Variants in SESTD1 observed in about 807,000 individuals in gnomAD.
The protein encoded by SESTD1 is SEC14 and spectrin domain containing 1, also known as SEC14 domain and spectrin repeat-containing protein 1.
SESTD1 carries 43 observed loss-of-function variants against 101.7 expected under a neutral mutation model. The ratio of observed to expected loss-of-function variants is 0.42; its 90% CI spans 0.33 to 0.55. The LOEUF is 0.55. Ranked by LOEUF, SESTD1 falls within the 20% of genes least tolerant of loss-of-function variation. SESTD1 has a pLI of 0.07. For missense variants in SESTD1, 647 were observed against 815.1 expected (o/e 0.79, Z 2.51); for synonymous variants, 283 against 286.8 (o/e 0.99, Z 0.13).
At chr2:179,175,437 A>C (rs1162787078) in intron 4 of SESTD1, among the ~76,000 whole-genome samples, 2 of 152,164 alleles carry the variant, frequency 1.3e-5, no homozygotes, top group African/African-American at 4.8e-5. Flanking sequence ...TTCATTTAAA[A>C]TTCTTGATCT....
intron 17 of SESTD1, among the ~76,000 whole-genome samples, chr2:179,111,998 C>T (rs571083658): frequency 7.9e-5 from 12 of 152,286 alleles, no homozygotes; most frequent in East Asian, 7.7e-4. Context: ...GGATTACAGG[C>T]GTGAGCCACC....
rs7608368 is a variant in SESTD1 at position 179,140,799 on chromosome 2, A to G, written c.849+2793T>C. On this transcript the variant is annotated intron_variant, in intron 9 of 17. Coordinates refer to ENST00000428443, the MANE Select transcript of SESTD1 (RefSeq NM_178123.5). ...CTCAATCTTGTGCTTTCTAACAGAC[A>G]TTTTAAGTCCTTTTACTCAACCTTA... Among the ~76,000 whole-genome samples the G allele has an allele frequency of 4.3e-3, 661 of 152,272 alleles. 5 individuals are homozygous for G. The highest frequency in any genetic ancestry group is 0.015 in the African/African-American group (614 of 41,558).
At chr2:179,191,545 G>C (rs983648552) in intron 2 of SESTD1, among the ~76,000 whole-genome samples, 4 of 152,056 alleles carry the variant, frequency 2.6e-5, no homozygotes, top group Admixed American at 1.3e-4. Flanking sequence ...ATATACCCAT[G>C]CAACAGACAG....
chr2:179,124,331 G>T, intron 11 of SESTD1, 33 bp downstream of exon 11: 1 of 1,577,584 alleles, frequency 6.3e-7, no homozygotes, highest in South Asian at 1.2e-5. Context: ...CAGATAATTT[G>T]AAGAAAAGAA....
At chr2:179,205,566 A>G (rs534429545) in intron 1 of SESTD1, among the ~76,000 whole-genome samples, 1 of 135,460 alleles carries the variant, frequency 7.4e-6, no homozygotes, top group East Asian at 2.0e-4. Flanking sequence ...ATCACTAACT[A>G]TCTCCTGAGA....
chr2:179,134,810 C>A (rs1381691904), intron 9 of SESTD1, among the ~76,000 whole-genome samples: 1 of 152,144 alleles, frequency 6.6e-6, no homozygotes, highest in Non-Finnish European at 1.5e-5. Flanking sequence ...ACAAGGTATA[C>A]AAACTATTGA....
At position 179,229,748 on chromosome 2, in the gene SESTD1, C is replaced by CA. The variant is rs1403563319; in HGVS notation, c.-26+34750_-26+34751insT. ...AAAGAAATTTAAGATTTTGTAAGAA[C>CA]TTATATATATATATATATATATATA... On this transcript the variant is annotated intron_variant, in intron 1 of 17. Coordinates refer to ENST00000428443, the MANE Select transcript of SESTD1 (RefSeq NM_178123.5). 6.3e-3 allele frequency among the ~76,000 whole-genome samples: 454 copies of CA among 71,826 alleles called. 4 individuals carry two copies. Among genetic ancestry groups the CA allele is most frequent in the Admixed American group, 0.011 (88 of 8,162 alleles). The allele number at this position is 71,826 out of a possible 152,430, so 47.1% of individuals were successfully genotyped here. A position where few individuals can be genotyped will look rare whatever the true frequency, so the allele number is the denominator to read the frequency against.
At chr2:179,141,621 T>C (rs779759979) in intron 9 of SESTD1, among the ~76,000 whole-genome samples, 7 of 152,112 alleles carry the variant, frequency 4.6e-5, no homozygotes, top group Non-Finnish European at 7.4e-5. Flanking sequence ...AACAGTCCTA[T>C]TAAGTAGGTA....
chr2:179,230,113 CTTTTTTTTTTTTT>C (rs71023474), intron 1 of SESTD1, among the ~76,000 whole-genome samples: 166 of 56,398 alleles, frequency 2.9e-3, no homozygotes, highest in African/African-American at 5.2e-3. Flanking sequence ...GATTGTATCT[CTTTTTTTTTTTTT>C]TTTTTTTTTT....
chr2:179,223,833 A>C (rs547597404), intron 1 of SESTD1, among the ~76,000 whole-genome samples: 45 of 152,336 alleles, frequency 3.0e-4, no homozygotes, highest in African/African-American at 9.4e-4. Context: ...TCTATATTGG[A>C]ACTACAAAAG....
chr2:179,176,659 A>G lies in SESTD1; in HGVS notation c.165-121T>C, dbSNP rs924349621. ...GAGTAGAATTAATCTCACTTGGTTT[A>G]GTTTACATTGTCAATAAATAAAATT... On this transcript the variant is annotated intron_variant, in intron 3 of 17. Coordinates refer to ENST00000428443, the MANE Select transcript of SESTD1 (RefSeq NM_178123.5). The G allele has an allele frequency of 5.1e-6, 3 of 587,460 alleles. No homozygotes were observed. The East Asian group carries it at 9.4e-5, about 18-fold the overall frequency. 36.4% of individuals were successfully genotyped at this position (587,460 alleles called of 1,614,324 possible). A position where few individuals can be genotyped will look rare whatever the true frequency, so the allele number is the denominator to read the frequency against.
chr2:179,237,358 T>A (rs1325187428), intron 1 of SESTD1, among the ~76,000 whole-genome samples: 1 of 152,202 alleles, frequency 6.6e-6, no homozygotes, highest in Non-Finnish European at 1.5e-5. Flanking sequence ...GATGTTCACT[T>A]TGTGTTAGTC....
At chr2:179,134,145 C>A (rs1316537810) in intron 9 of SESTD1, among the ~76,000 whole-genome samples, 1 of 151,204 alleles carries the variant, frequency 6.6e-6, no homozygotes, top group Non-Finnish European at 1.5e-5. Flanking sequence ...TTGAACCAAT[C>A]CACCACAAAT....
chr2:179,222,763 G>A (rs1368901090), intron 1 of SESTD1, among the ~76,000 whole-genome samples: 3 of 152,036 alleles, frequency 2.0e-5, no homozygotes, highest in Non-Finnish European at 4.4e-5. Context: ...TTGTAGATAA[G>A]GAAACTAAAA....
chr2:179,261,862 C>T (rs1160227253), intron 1 of SESTD1, among the ~76,000 whole-genome samples: 2 of 152,148 alleles, frequency 1.3e-5, no homozygotes, highest in African/African-American at 4.8e-5. Flanking sequence ...AGCAATTACA[C>T]ATCTAGGTAT....
intron 10 of SESTD1, among the ~76,000 whole-genome samples, chr2:179,125,680 G>A (rs906194470): frequency 1.3e-5 from 2 of 152,152 alleles, no homozygotes; most frequent in Admixed American, 1.3e-4. Context: ...AATCTCAAAT[G>A]AGTCTTTGGC....
In SESTD1 at chr2:179,187,450, C is replaced by A. The variant is rs543896069; in HGVS notation, c.56-4262G>T. Reference sequence around the variant, plus strand: ...AACTAGCCTGGGCAATATATAAGGACACCTGTCTCTACAAAAAAATTAAAA... The same window carrying A: ...AACTAGCCTGGGCAATATATAAGGAAACCTGTCTCTACAAAAAAATTAAAA... On this transcript the variant is annotated intron_variant, in intron 2 of 17. Transcript: ENST00000428443. Among the ~76,000 whole-genome samples the A allele has an allele frequency of 7.9e-5, 12 of 152,198 alleles. No homozygotes were observed. In the South Asian group the frequency reaches 2.3e-3, roughly 29 times the overall value.
At chr2:179,219,688 A>G (rs907522452) in intron 1 of SESTD1, among the ~76,000 whole-genome samples, 2 of 152,264 alleles carry the variant, frequency 1.3e-5, no homozygotes, top group Non-Finnish European at 2.9e-5. Context: ...AAATTGGTGA[A>G]GCAAGTCAAC....
chr2:179,168,331 AATAC>A (rs2045871245), intron 5 of SESTD1, among the ~76,000 whole-genome samples: 1 of 152,220 alleles, frequency 6.6e-6, no homozygotes, highest in South Asian at 2.1e-4. Context: ...TACAATGTAT[AATAC>A]ATATACAAAA....
Sources: allele counts gnomAD v4.1 joint callset (sites outside exome capture counted in the v4.1 genomes callset), GRCh38; gene constraint gnomAD v4.1.1; transcripts MANE v1.5; gene names NCBI Gene and HGNC (gene_info 2026-07-23, HGNC 2026-07-21).